The following MGAM2 variants were observed in gnomAD, a reference collection of about 807,000 sequenced individuals.
MGAM2 encodes the protein probable maltase-glucoamylase 2.
MGAM2 carries 98 observed loss-of-function variants against 96.1 expected under a neutral mutation model. The observed-to-expected ratio is 1.02, with a 90% CI of 0.87 to 1.21. The LOEUF (loss-of-function observed/expected upper bound fraction) is 1.21, where lower values mean the gene tolerates loss of function less well. Among genes scored for constraint, MGAM2 ranks in the 50% most tolerant of loss-of-function variants. MGAM2 has a pLI of 0.00. For synonymous variants in MGAM2, 749 were observed against 414.8 expected (o/e 1.81, Z -9.79); for missense variants, 2,055 against 1,182.4 (o/e 1.74, Z -10.82).
chr7:142,112,589 T>C (rs4725568), intron 1 of MGAM2, among the ~76,000 whole-genome samples: 33,883 of 151,954 alleles, frequency 0.22, 4,633 homozygotes, highest in African/African-American at 0.37. Flanking sequence ...AATTCCACCA[T>C]TGGAGACCGA....
intron 3 of MGAM2, among the ~76,000 whole-genome samples, chr7:142,126,759 G>A (rs927162836): frequency 3.3e-5 from 5 of 151,960 alleles, no homozygotes; most frequent in African/African-American, 1.2e-4. Context: ...AAGACTTTAA[G>A]ATATTTCTAT....
In MGAM2 at chr7:142,131,060, A is replaced by T. The variant is rs1794871216; in HGVS notation, c.299A>T (p.Asn100Ile). 1 of 702,520 alleles carries T rather than the reference A, an allele frequency of 1.4e-6. No homozygotes were observed. Among genetic ancestry groups the T allele is most frequent in the Non-Finnish European group, 2.6e-6 (1 of 385,004 alleles). The allele number at this position is 702,520 out of a possible 1,614,324, so 43.5% of individuals were successfully genotyped here. A position where few individuals can be genotyped will look rare whatever the true frequency, so the allele number is the denominator to read the frequency against. ...WGYEASNGHTNTSTGFTAQLK... is the reference protein window; with the variant it reads ...WGYEASNGHTITSTGFTAQLK... The stretch of plus-strand genomic sequence containing the variant: ...TATGAAGCCAGCAATGGCCATACAA[A>T]TACAAGCACAGGTGAGCACTGCCCT... The change falls in exon 4 of 48, where the codon AAT (asparagine) becomes ATT (isoleucine). Residue 100 changes from asparagine to isoleucine, a missense_variant. Physicochemically the swap from Asn to Ile is moderately radical, Grantham distance 149. Coordinates refer to ENST00000477922, the MANE Select transcript of MGAM2 (RefSeq NM_001293626.2).
chr7:142,175,218 T>C (rs946257967), intron 31 of MGAM2, among the ~76,000 whole-genome samples: 3 of 152,208 alleles, frequency 2.0e-5, no homozygotes, highest in African/African-American at 7.2e-5. Context: ...CTTTAGTACC[T>C]AGTTTATTGA....
intron 1 of MGAM2, among the ~76,000 whole-genome samples, chr7:142,113,467 G>T (rs2129072383): frequency 6.6e-6 from 1 of 152,144 alleles, no homozygotes; most frequent in Non-Finnish European, 1.5e-5. Flanking sequence ...TAGTCTGACT[G>T]AACTGTTAAC....
intron 32 of MGAM2, among the ~76,000 whole-genome samples, chr7:142,179,741 A>T (rs1796483045): frequency 6.6e-6 from 1 of 151,996 alleles, no homozygotes; most frequent in Non-Finnish European, 1.5e-5. Flanking sequence ...TAACTTTTTG[A>T]TGTGCTCCTG....
intron 37 of MGAM2, 27 bp from the exon 38 acceptor site, chr7:142,196,127 C>G (rs563833938): frequency 1.6e-5 from 14 of 900,060 alleles, no homozygotes; most frequent in Non-Finnish European, 2.0e-5. Flanking sequence ...GTTTCTTCAA[C>G]TCACCTCTTT....
rs551267129 is a variant in MGAM2 at position 142,172,473 on chromosome 7, G to T, written c.3449-179G>T. 7.2e-5 allele frequency among the ~76,000 whole-genome samples: 11 copies of T among 152,266 alleles called. No homozygotes were observed. The East Asian group carries it at 1.2e-3, about 16-fold the overall frequency. ...CAGAGTTATAAAAGTTGTTGAGATT[G>T]CATATTACATTTGGGGTACCTGCAA... On this transcript the variant is annotated intron_variant, in intron 29 of 47. Coordinates refer to ENST00000477922, the MANE Select transcript of MGAM2 (RefSeq NM_001293626.2).
rs1199506305 is a variant in MGAM2 at position 142,131,978 on chromosome 7, T to C, written c.468T>C (p.Ile156=). 2.3e-5 allele frequency: 16 copies of C among 702,988 alleles called. No individual in the cohort carries two copies. The East Asian group carries it at 4.3e-4, about 19-fold the overall frequency. 43.5% of individuals were successfully genotyped at this position (702,988 alleles called of 1,614,324 possible). Residue 156 remains isoleucine, a synonymous_variant, in exon 6 of 48, where the codon ATT becomes ATC. Coordinates refer to ENST00000477922, the MANE Select transcript of MGAM2 (RefSeq NM_001293626.2). ...GCTATGAAGTTTCCCATGAAAATAT[T>C]AACCTGGTTGATGGGATTGCTGATG... ...NIRYEVSHEN[I]NLVDGIADAS... is the part of the protein sequence containing the mutation.
rs76507094 is a variant in MGAM2, at chr7:142,216,225, C to T, written c.5188-2136C>T. Among the ~76,000 whole-genome samples, 1,507 of 152,220 alleles carry T rather than the reference C, an allele frequency of 9.9e-3. 88 individuals carry two copies. In the East Asian group the frequency reaches 0.17, roughly 17 times the overall value. On this transcript the variant is annotated intron_variant, in intron 46 of 47. Coordinates refer to ENST00000477922, the MANE Select transcript of MGAM2 (RefSeq NM_001293626.2). ...CCCTTAAGAGTAGTTGGGTTGAAGA[C>T]TCTACATATTTTTTCCTCTCAAATA...
In MGAM2 at chr7:142,222,142, C is replaced by G. The variant is rs1477711316; in HGVS notation, c.*83C>G. ...TATAGAAAATCAGTTACGAGACACT[C>G]TATCTATCTTATGCTACTTAAGTTT... On this transcript the variant is annotated 3_prime_UTR_variant, in exon 48 of 48. Transcript: ENST00000477922. 5.0e-6 allele frequency: 2 copies of G among 396,814 alleles called. No individual in the cohort carries two copies. Among genetic ancestry groups the G allele is most frequent in the Non-Finnish European group, 8.9e-6 (2 of 225,094 alleles). The allele number at this position is 396,814 out of a possible 1,614,324, so 24.6% of individuals were successfully genotyped here. A position where few individuals can be genotyped will look rare whatever the true frequency, so the allele number is the denominator to read the frequency against.
chr7:142,154,144 G>T lies in MGAM2; in HGVS notation c.1761G>T (p.Trp587Cys), dbSNP rs536979536. 6 of 678,066 alleles carry T rather than the reference G, an allele frequency of 8.8e-6. No homozygotes were observed. The highest frequency in any genetic ancestry group is 1.6e-5 in the Non-Finnish European group (6 of 367,162). 42.0% of individuals were successfully genotyped at this position (678,066 alleles called of 1,614,324 possible). The change falls in exon 16 of 48, where the codon TGG becomes TGT. Residue 587 changes from tryptophan to cysteine, a missense_variant. By Grantham distance (215) the Trp-to-Cys change is radical (BLOSUM62 -2). Transcript: ENST00000477922. ...CGGCCACATGGGATGACCTCCGATG[G>T]TCTATCCCCACTATCCTTGAGTTCA... is the stretch of plus-strand genomic sequence containing the variant. ...DNAATWDDLR[W>C]SIPTILEFNL...
chr7:142,183,824 A>G (rs1280757763), intron 33 of MGAM2, among the ~76,000 whole-genome samples: 2 of 151,604 alleles, frequency 1.3e-5, no homozygotes, highest in East Asian at 1.9e-4. Context: ...CTTCATCTTT[A>G]TATGTCTGAT....
intron 46 of MGAM2, among the ~76,000 whole-genome samples, chr7:142,211,470 A>G (rs932479769): frequency 2.1e-4 from 32 of 152,212 alleles, no homozygotes; most frequent in African/African-American, 7.7e-4. Flanking sequence ...ATTGCTAACT[A>G]GAATAACCAG....
At chr7:142,162,956 C>CT (rs1246726841) in intron 23 of MGAM2, among the ~76,000 whole-genome samples, 2 of 152,112 alleles carry the variant, frequency 1.3e-5, no homozygotes, top group East Asian at 1.9e-4. Context: ...CCCAATCCCT[C>CT]CTCAGCCCCT....
At chr7:142,119,389 T>C (rs1429828471) in intron 2 of MGAM2, among the ~76,000 whole-genome samples, 1 of 152,156 alleles carries the variant, frequency 6.6e-6, no homozygotes, top group Non-Finnish European at 1.5e-5. Flanking sequence ...ACACCCACTA[T>C]GATGACTATA....
At position 142,134,132 on chromosome 7, in the gene MGAM2, C is replaced by A. The variant is rs906836270; in HGVS notation, c.727C>A (p.Arg243=). 1 of 752,752 alleles carries A rather than the reference C, an allele frequency of 1.3e-6. No homozygotes were observed. The highest frequency in any genetic ancestry group is 2.4e-6 in the Non-Finnish European group (1 of 411,386). 46.6% of individuals were successfully genotyped at this position (752,752 alleles called of 1,614,324 possible). The change falls in exon 7 of 48, where the codon CGG becomes AGG. Residue 243 remains arginine (R), a synonymous_variant. Coordinates refer to ENST00000477922, the MANE Select transcript of MGAM2 (RefSeq NM_001293626.2). ...CTGGAAGACTTGGCCCATCTTCACC[C>A]GGGACGCTACCCCCACCGAGGTGAG... ...MTWKTWPIFT[R]DATPTEGMIN...
At chr7:142,156,963 TA>T (rs766493376) in intron 17 of MGAM2, among the ~76,000 whole-genome samples, 18 of 152,328 alleles carry the variant, frequency 1.2e-4, no homozygotes, top group Non-Finnish European at 2.2e-4. Flanking sequence ...TCTAATGGGT[TA>T]TTTTTTTACT....
chr7:142,133,165 T>C (rs1794953778), intron 6 of MGAM2, among the ~76,000 whole-genome samples: 2 of 140,664 alleles, frequency 1.4e-5, no homozygotes, highest in African/African-American at 5.2e-5. Context: ...TTAATATAAA[T>C]ATTTAATACA....
At chr7:142,144,041 G>A in intron 13 of MGAM2, 159 bp downstream of exon 13, 1 of 490,442 alleles carries the variant, frequency 2.0e-6, no homozygotes, top group East Asian at 3.1e-5. Context: ...TCTATATCCA[G>A]TGAATTAGGC....
Sources: allele counts gnomAD v4.1 joint callset (sites outside exome capture counted in the v4.1 genomes callset), GRCh38; gene constraint gnomAD v4.1.1; transcripts MANE v1.5; gene names NCBI Gene and HGNC (gene_info 2026-07-23, HGNC 2026-07-21).